The following PLA2G4C variants were observed in gnomAD, a reference collection of about 807,000 sequenced individuals.
PLA2G4C encodes phospholipase A2 group IVC, also known as cytosolic phospholipase A2 gamma.
In PLA2G4C, 64 loss-of-function variants were observed where a neutral mutation model predicts 73.8. That is an observed-to-expected ratio of 0.87 (90% CI 0.71 to 1.07). PLA2G4C has a LOEUF of 1.07. PLA2G4C is among the 50% of genes least tolerant of loss of function. The probability of loss-of-function intolerance (pLI) is 0.00; values close to 1 mark genes in which losing one functional copy is unlikely to be tolerated. For synonymous variants in PLA2G4C, 254 were observed against 252.1 expected, an observed-to-expected ratio of 1.01 and a Z score of -0.07; for missense variants, 622 against 665.4, an observed-to-expected ratio of 0.93 and a Z score of 0.72.
intron 12 of PLA2G4C, among the ~76,000 whole-genome samples, chr19:48,071,296 T>C (rs1968647263): frequency 6.6e-6 from 1 of 152,030 alleles, no homozygotes; most frequent in African/African-American, 2.4e-5. Context: ...TCCATACTTC[T>C]TCTTTTTTTT....
At position 48,105,938 on chromosome 19, in the gene PLA2G4C, C is replaced by CTTT. The variant is rs1251401429; in HGVS notation, c.9-495_9-494insAAA. Among the ~76,000 whole-genome samples, 16 of 36,696 alleles carry CTTT rather than the reference C, an allele frequency of 4.4e-4. 4 individuals are homozygous for CTTT. The highest frequency in any genetic ancestry group is 7.4e-4 in the African/African-American group (4 of 5,422). 24.1% of individuals were successfully genotyped at this position (36,696 alleles called of 152,430 possible). A position where few individuals can be genotyped will look rare whatever the true frequency, so the allele number is the denominator to read the frequency against. On this transcript the variant is annotated intron_variant, in intron 2 of 16. Transcript: ENST00000599921. ...CCCTCCCTCCCTCCCTCCCTCCCTCCCTCCCTCCCTTCTTTCTTTCTTTCT... is the reference window on the plus strand; with the variant it reads ...CCCTCCCTCCCTCCCTCCCTCCCTCCTTTCTCCCTCCCTTCTTTCTTTCTTTCT...
intron 7 of PLA2G4C, chr19:48,090,692 C>T: frequency 2.3e-6 from 1 of 428,644 alleles, no homozygotes; most frequent in Admixed American, 3.8e-5. Context: ...CTGGCTACCC[C>T]AAGGCCATTT....
chr19:48,084,863 C>T (rs2030880786), intron 10 of PLA2G4C, among the ~76,000 whole-genome samples, 196 bp downstream of exon 10: 1 of 152,170 alleles, frequency 6.6e-6, no homozygotes, highest in Admixed American at 6.5e-5. Context: ...CCAAGGGTGT[C>T]TGTACTCTCA....
chr19:48,056,360 C>T (rs1967941036), intron 14 of PLA2G4C, among the ~76,000 whole-genome samples: 1 of 151,892 alleles, frequency 6.6e-6, no homozygotes, highest in Non-Finnish European at 1.5e-5. Flanking sequence ...CCAACCTGGC[C>T]AACATGGTGA....
At chr19:48,090,887 C>A (rs1039148164) in intron 7 of PLA2G4C, among the ~76,000 whole-genome samples, 5 of 152,110 alleles carry the variant, frequency 3.3e-5, no homozygotes, top group African/African-American at 1.2e-4. Flanking sequence ...CAACTCTAGT[C>A]TCAGCTACTT....
In PLA2G4C at chr19:48,110,668, T is replaced by C. The variant is rs953871858; in HGVS notation, c.-214A>G. ...CAAAGCTTCTGTGGTCCTCCTGCTT[T>C]CCTTTTCCCCCTGTGGGAGGAGGTC... On this transcript the variant is annotated 5_prime_UTR_variant, in exon 1 of 17. Transcript: ENST00000599921. The C allele has an allele frequency of 1.5e-5, 7 of 459,798 alleles. No homozygotes were observed. In the Admixed American group the frequency reaches 3.3e-4, roughly 21 times the overall value. The allele number at this position is 459,798 out of a possible 1,614,324, so 28.5% of individuals were successfully genotyped here.
intron 1 of PLA2G4C, among the ~76,000 whole-genome samples, chr19:48,110,272 G>A (rs935858248): frequency 6.6e-6 from 1 of 151,962 alleles, no homozygotes; most frequent in African/African-American, 2.4e-5. Context: ...CTTGAACCCC[G>A]GAGGCGGAGC....
In PLA2G4C at chr19:48,087,042, G is replaced by A. The variant is rs562898432; in HGVS notation, c.790+1644C>T. 9.2e-5 allele frequency among the ~76,000 whole-genome samples: 14 copies of A among 152,302 alleles called. No individual in the cohort carries two copies. The South Asian group carries it at 2.9e-3, about 32-fold the overall frequency. ...GCCTGAAGTGTGGCAGCTTCACTGG[G>A]TGGCTAGACCCAGAGGAACAATAAC... On this transcript the variant is annotated intron_variant, in intron 9 of 16. Transcript: ENST00000599921.
At chr19:48,095,214 C>A (rs1398010828) in intron 7 of PLA2G4C, among the ~76,000 whole-genome samples, 1 of 152,122 alleles carries the variant, frequency 6.6e-6, no homozygotes, top group Non-Finnish European at 1.5e-5. Flanking sequence ...TGGACTTGAG[C>A]CCCTCTATTA....
intron 14 of PLA2G4C, among the ~76,000 whole-genome samples, chr19:48,058,827 A>G (rs1238940012): frequency 6.6e-6 from 1 of 152,032 alleles, no homozygotes; most frequent in Admixed American, 6.6e-5. Context: ...AAAAAAAAAA[A>G]AAAGATTTGA....
Position 48,074,124 on chromosome 19 carries a change from G to GCT in PLA2G4C, c.1006+641_1006+642dup, listed in dbSNP as rs751147416. 7.2e-5 allele frequency among the ~76,000 whole-genome samples: 11 copies of GCT among 152,118 alleles called. No homozygotes were observed. In the East Asian group the frequency reaches 2.1e-3, roughly 29 times the overall value. On this transcript the variant is annotated intron_variant, in intron 12 of 16. Coordinates refer to ENST00000599921, the MANE Select transcript of PLA2G4C (RefSeq NM_003706.3). ...ACATGCATTAGCTAATTTTCCTGGT[G>GCT]CTCTTCTTCTCCCCACCCGCCCCCA...
chr19:48,098,963 A>G (rs1266203440), intron 5 of PLA2G4C, among the ~76,000 whole-genome samples: 1 of 150,876 alleles, frequency 6.6e-6, no homozygotes, highest in Non-Finnish European at 1.5e-5. Context: ...GGCTGGATGC[A>G]GTGGCTCATA....
rs562729939 is a variant in PLA2G4C at position 48,080,791 on chromosome 19, G to C, written c.845-2967C>G. 1.5e-4 allele frequency among the ~76,000 whole-genome samples: 21 copies of C among 142,846 alleles called. No individual in the cohort carries two copies. The East Asian group carries it at 4.3e-3, about 29-fold the overall frequency. 93.7% of individuals were successfully genotyped at this position (142,846 alleles called of 152,430 possible). ...TGCATTCCAGCCTGGGCAACAGAGC[G>C]AGACTCTGCCTCAAAAAAAAAAAAA... On this transcript the variant is annotated intron_variant, in intron 10 of 16. Transcript: ENST00000599921.
intron 10 of PLA2G4C, among the ~76,000 whole-genome samples, chr19:48,084,499 G>C (rs2030855788): frequency 6.6e-6 from 1 of 152,178 alleles, no homozygotes; most frequent in Non-Finnish European, 1.5e-5. Context: ...GAGAGCTGGA[G>C]AGCCACAGAA....
rs553096435 is a variant in PLA2G4C at position 48,095,796 on chromosome 19, T to C, written c.569-192A>G. Among the ~76,000 whole-genome samples, 3 of 152,302 alleles carry C rather than the reference T, an allele frequency of 2.0e-5. No homozygotes were observed. The East Asian group carries it at 5.8e-4, about 29-fold the overall frequency. The stretch of plus-strand genomic sequence containing the variant: ...AGTCTACGCTGCTGGTGGCAGCTCA[T>C]AACTTCCACAGCAGCCTGTTTCCAA... On this transcript the variant is annotated intron_variant, in intron 6 of 16. Transcript: ENST00000599921.
intron 4 of PLA2G4C, among the ~76,000 whole-genome samples, chr19:48,102,500 A>AAAAAG (rs1307369861): frequency 1.3e-5 from 2 of 152,146 alleles, no homozygotes; most frequent in South Asian, 2.1e-4. Flanking sequence ...TCCAGAAGAA[A>AAAAAG]AAAAGAAAAG....
At chr19:48,068,391 C>G (rs1413257669) in intron 12 of PLA2G4C, among the ~76,000 whole-genome samples, 1 of 150,346 alleles carries the variant, frequency 6.7e-6, no homozygotes, top group African/African-American at 2.5e-5. Flanking sequence ...GGACTGGGGT[C>G]TTTATGAGAA....
intron 12 of PLA2G4C, among the ~76,000 whole-genome samples, chr19:48,071,669 G>A (rs1447547637): frequency 6.6e-6 from 1 of 151,666 alleles, no homozygotes; most frequent in Non-Finnish European, 1.5e-5. Context: ...TGCTGGTCTT[G>A]AACTCCTGGC....
At chr19:48,069,928 C>T (rs182549586) in intron 12 of PLA2G4C, among the ~76,000 whole-genome samples, 8 of 152,050 alleles carry the variant, frequency 5.3e-5, no homozygotes, top group Non-Finnish European at 1.2e-4. Context: ...CTACGCCCGG[C>T]TAAATATTTT....
Sources: allele counts gnomAD v4.1 joint callset (sites outside exome capture counted in the v4.1 genomes callset), GRCh38; gene constraint gnomAD v4.1.1; transcripts MANE v1.5; gene names NCBI Gene and HGNC (gene_info 2026-07-23, HGNC 2026-07-21).